Variants in VTI1A observed in about 807,000 individuals in gnomAD.
VTI1A encodes vesicle transport through interaction with t-SNAREs homolog 1A.
In VTI1A, 22 loss-of-function variants were observed where a neutral mutation model predicts 34.9. The observed-to-expected ratio is 0.63, with a 90% CI of 0.45 to 0.90. VTI1A has a LOEUF of 0.90. Among genes scored for constraint, VTI1A ranks in the 40% least tolerant of loss-of-function variants. VTI1A has a pLI of 0.00. For synonymous variants in VTI1A, 87 were observed against 97.3 expected, an observed-to-expected ratio of 0.89 and a Z score of 0.62; for missense variants, 268 against 275.6, an observed-to-expected ratio of 0.97 and a Z score of 0.20.
intron 7 of VTI1A, among the ~76,000 whole-genome samples, chr10:112,721,545 A>G (rs912018405): frequency 3.3e-5 from 5 of 152,224 alleles, no homozygotes; most frequent in African/African-American, 9.7e-5. Context: ...TTTAATACTC[A>G]TGATGAAACA....
intron 7 of VTI1A, among the ~76,000 whole-genome samples, chr10:112,742,037 G>A (rs1415229576): frequency 6.6e-6 from 1 of 152,116 alleles, no homozygotes; most frequent in Non-Finnish European, 1.5e-5. Context: ...CAAGTCAAAG[G>A]AAACAAAGAA....
intron 3 of VTI1A, among the ~76,000 whole-genome samples, chr10:112,521,576 T>C (rs2134208471): frequency 6.6e-6 from 1 of 152,140 alleles, no homozygotes; most frequent in Non-Finnish European, 1.5e-5. Flanking sequence ...TATACCATTA[T>C]TTTAGAGATG....
intron 7 of VTI1A, among the ~76,000 whole-genome samples, chr10:112,773,162 T>G (rs570105513): frequency 6.6e-6 from 1 of 152,250 alleles, no homozygotes; most frequent in African/African-American, 2.4e-5. Flanking sequence ...GAGCTGATTC[T>G]TGGTGACTGT....
At chr10:112,748,620 C>CTTTTTTTTT (rs561301572) in intron 7 of VTI1A, among the ~76,000 whole-genome samples, 6 of 104,920 alleles carry the variant, frequency 5.7e-5, no homozygotes, top group African/African-American at 8.7e-5. Context: ...ATTTAGAAAC[C>CTTTTTTTTT]TTTTTTTTTT....
At chr10:112,565,970 C>T (rs1366270442) in intron 5 of VTI1A, among the ~76,000 whole-genome samples, 1 of 151,898 alleles carries the variant, frequency 6.6e-6, no homozygotes, top group East Asian at 1.9e-4. Flanking sequence ...GTAACTTAAG[C>T]ATGTGAAGTC....
intron 7 of VTI1A, among the ~76,000 whole-genome samples, chr10:112,685,567 A>G (rs1427185582): frequency 1.3e-5 from 2 of 152,064 alleles, no homozygotes; most frequent in Non-Finnish European, 2.9e-5. Context: ...TGTTTTTATT[A>G]AGGACACCAA....
chr10:112,491,606 C>G (rs1848824859), intron 3 of VTI1A, among the ~76,000 whole-genome samples: 2 of 152,136 alleles, frequency 1.3e-5, no homozygotes, highest in South Asian at 2.1e-4. Context: ...TTTCTTTAAT[C>G]TAATAGCTCC....
intron 7 of VTI1A, among the ~76,000 whole-genome samples, chr10:112,753,871 C>G (rs904710278): frequency 6.6e-6 from 1 of 152,086 alleles, no homozygotes; most frequent in African/African-American, 2.4e-5. Context: ...GGAAAGAAAC[C>G]CTTTAGGTCA....
At position 112,818,347 on chromosome 10, in the gene VTI1A, G is replaced by A. The variant is rs1035223630; in HGVS notation, c.*2964G>A. 1 of 232,442 alleles carries A rather than the reference G, an allele frequency of 4.3e-6. No individual in the cohort carries two copies. Among genetic ancestry groups the A allele is most frequent in the Non-Finnish European group, 8.5e-6 (1 of 117,468 alleles). The allele number at this position is 232,442 out of a possible 1,614,324, so 14.4% of individuals were successfully genotyped here. ...ATCAGATAATGACCTCAGTGATTGG[G>A]TTTTCATTACCAAACAGCATCCAGA... On this transcript the variant is annotated 3_prime_UTR_variant, in exon 8 of 8. Coordinates refer to ENST00000393077, the MANE Select transcript of VTI1A (RefSeq NM_145206.4).
chr10:112,678,944 G>A (rs1848121771), intron 7 of VTI1A, among the ~76,000 whole-genome samples: 1 of 151,874 alleles, frequency 6.6e-6, no homozygotes, highest in Non-Finnish European at 1.5e-5. Context: ...CAATTCTGAG[G>A]GCATCTCTGG....
At chr10:112,534,233 A>T (rs1386242933) in intron 4 of VTI1A, among the ~76,000 whole-genome samples, 36 of 152,166 alleles carry the variant, frequency 2.4e-4, no homozygotes, top group Admixed American at 2.4e-3. Flanking sequence ...ATTTACTGCA[A>T]TGTTTATAAT....
intron 5 of VTI1A, among the ~76,000 whole-genome samples, chr10:112,657,002 C>A (rs927698318): frequency 6.6e-6 from 1 of 152,118 alleles, no homozygotes; most frequent in Admixed American, 6.5e-5. Context: ...CTTGGTCCTG[C>A]TCCTGCCCTG....
At chr10:112,760,695 G>T (rs181084714) in intron 7 of VTI1A, among the ~76,000 whole-genome samples, 2 of 151,984 alleles carry the variant, frequency 1.3e-5, no homozygotes, top group Admixed American at 1.3e-4. Context: ...TCGAGACCAG[G>T]CTGGCCAACA....
At chr10:112,722,979 C>G (rs1440368824) in intron 7 of VTI1A, among the ~76,000 whole-genome samples, 2 of 152,220 alleles carry the variant, frequency 1.3e-5, no homozygotes, top group African/African-American at 4.8e-5. Context: ...GTGGTTCACA[C>G]TGCTGCTCTT....
At position 112,672,285 on chromosome 10, in the gene VTI1A, C is replaced by G. The variant is rs79081176; in HGVS notation, c.560+3287C>G. On this transcript the variant is annotated intron_variant, in intron 7 of 7. Coordinates refer to ENST00000393077, the MANE Select transcript of VTI1A (RefSeq NM_145206.4). ...AATATGTAATTTAGTGAGACAGCAA[C>G]TGCTTCAACCGAAAAGAAATTGCTC... is the stretch of plus-strand genomic sequence containing the variant. Among the ~76,000 whole-genome samples, 532 of 152,302 alleles carry G rather than the reference C, an allele frequency of 3.5e-3. 1 individual carries two copies. Among genetic ancestry groups the G allele is most frequent in the African/African-American group, 0.012 (495 of 41,574 alleles).
At position 112,816,923 on chromosome 10, in the gene VTI1A, G is replaced by A. The variant is rs982208969; in HGVS notation, c.*1540G>A. The A allele has an allele frequency of 2.6e-5, 6 of 230,576 alleles. No individual in the cohort carries two copies. Among genetic ancestry groups the A allele is most frequent in the Admixed American group, 5.7e-5 (1 of 17,664 alleles). The allele number at this position is 230,576 out of a possible 1,614,324, so 14.3% of individuals were successfully genotyped here. ...AACAGGCCAAGGCCTGCATGTGTTC[G>A]GATAAATCATTTAGTATTGTGTAAA... On this transcript the variant is annotated 3_prime_UTR_variant, in exon 8 of 8. Coordinates refer to ENST00000393077, the MANE Select transcript of VTI1A (RefSeq NM_145206.4).
At chr10:112,837,350 G>A in the VTI1A span, among the ~76,000 whole-genome samples, 49,795 of 151,994 alleles carry the variant, frequency 0.33, 8,677 homozygotes, top group Non-Finnish European at 0.38. Flanking sequence ...GGGAGGGGGA[G>A]GGGATAGAAG....
chr10:112,766,143 G>A (rs193177086), intron 7 of VTI1A, among the ~76,000 whole-genome samples: 18 of 152,300 alleles, frequency 1.2e-4, no homozygotes, highest in Admixed American at 9.2e-4. Flanking sequence ...GTAGTAGCAC[G>A]TGCTAAGGAA....
chr10:112,679,760 A>AG (rs1453343037), intron 7 of VTI1A, among the ~76,000 whole-genome samples: 1 of 150,860 alleles, frequency 6.6e-6, no homozygotes, highest in Non-Finnish European at 1.5e-5. Context: ...TTTTGTGATG[A>AG]GGGGAAAAAA....
Sources: allele counts gnomAD v4.1 joint callset (sites outside exome capture counted in the v4.1 genomes callset), GRCh38; gene constraint gnomAD v4.1.1; transcripts MANE v1.5; gene names NCBI Gene and HGNC (gene_info 2026-07-23, HGNC 2026-07-21).